RUBCN: variants seen among roughly 807,000 people sequenced by gnomAD.
RUBCN encodes the protein rubicon autophagy regulator.
RUBCN carries 74 observed loss-of-function variants against 113.2 expected under a neutral mutation model. The observed-to-expected ratio is 0.65, with a 90% CI of 0.54 to 0.79. The LOEUF is 0.79. Among genes scored for constraint, RUBCN ranks in the 30% least tolerant of loss-of-function variants. The pLI is 0.00. For synonymous variants in RUBCN, 480 were observed against 490.0 expected (o/e 0.98, Z 0.27); for missense variants, 1,109 against 1,251.7 (o/e 0.89, Z 1.72).
chr3:197,669,356 G>A lies in RUBCN; in HGVS notation c.*5662C>T, dbSNP rs770296297. On this transcript the variant is annotated 3_prime_UTR_variant, in exon 20 of 20. Transcript: ENST00000296343. Reference sequence around the variant, plus strand: ...CATCGTATCTGCTTAGTCTCCTCTCGTCCGTGACGGCATCTCTTTCCTTGT... The same window carrying A: ...CATCGTATCTGCTTAGTCTCCTCTCATCCGTGACGGCATCTCTTTCCTTGT... Among the ~76,000 whole-genome samples the A allele has an allele frequency of 6.6e-6, 1 of 152,116 alleles. No individual in the cohort carries two copies. Among genetic ancestry groups the A allele is most frequent in the African/African-American group, 2.4e-5 (1 of 41,410 alleles).
chr3:197,719,016 T>C (rs1488072012), intron 1 of RUBCN, among the ~76,000 whole-genome samples: 1 of 152,204 alleles, frequency 6.6e-6, no homozygotes, highest in Non-Finnish European at 1.5e-5. Context: ...CCTATGCCTC[T>C]TCCTCAGAGC....
At position 197,669,998 on chromosome 3, in the gene RUBCN, C is replaced by T. The variant is rs1023089082; in HGVS notation, c.*5020G>A. On this transcript the variant is annotated 3_prime_UTR_variant, in exon 20 of 20. Coordinates refer to ENST00000296343, the MANE Select transcript of RUBCN (RefSeq NM_014687.4). The stretch of plus-strand genomic sequence containing the variant: ...CCGCCACCCGGGTTCAAGCAATTCT[C>T]CTGTCTCAACCTCGCGAGTAGCTGG... Among the ~76,000 whole-genome samples the T allele has an allele frequency of 1.3e-5, 2 of 152,222 alleles. No homozygotes were observed. The highest frequency in any genetic ancestry group is 6.5e-5 in the Admixed American group (1 of 15,278).
chr3:197,749,303 G>A (rs1728900184), exon 1 of RUBCN: 2 of 1,140,986 alleles, frequency 1.8e-6, no homozygotes, highest in Admixed American at 7.9e-5. Context: ...TATTAGGGTA[G>A]TGAACACCGT....
intron 5 of RUBCN, 66 bp downstream of exon 5, chr3:197,703,482 G>T: frequency 2.2e-6 from 2 of 900,078 alleles, no homozygotes; most frequent in Non-Finnish European, 1.8e-6. Context: ...GTTTGCTGTA[G>T]AGGGCTACAT....
chr3:197,738,876 G>C (rs1233170602), upstream of RUBCN, among the ~76,000 whole-genome samples: 1 of 152,038 alleles, frequency 6.6e-6, no homozygotes, highest in Non-Finnish European at 1.5e-5. Context: ...TTACAGGCAT[G>C]AGGCACCATA....
At chr3:197,704,169 T>C (rs1213233301) in intron 4 of RUBCN, among the ~76,000 whole-genome samples, 3 of 152,150 alleles carry the variant, frequency 2.0e-5, no homozygotes, top group African/African-American at 7.2e-5. Flanking sequence ...GGCACGGTAG[T>C]CACGCCTGTA....
chr3:197,720,553 G>A (rs886099935), intron 1 of RUBCN, among the ~76,000 whole-genome samples: 2 of 151,980 alleles, frequency 1.3e-5, no homozygotes, highest in Non-Finnish European at 2.9e-5. Flanking sequence ...GACTACAGGC[G>A]CAGGCTACCA....
chr3:197,671,255 C>A lies in RUBCN; in HGVS notation c.*3763G>T, dbSNP rs1199232759. 1.3e-5 allele frequency: 2 copies of A among 152,124 alleles called. No individual in the cohort carries two copies. Among genetic ancestry groups the A allele is most frequent in the Non-Finnish European group, 2.9e-5 (2 of 68,026 alleles). The allele number at this position is 152,124 out of a possible 1,614,324, so 9.4% of individuals were successfully genotyped here. A position where few individuals can be genotyped will look rare whatever the true frequency, so the allele number is the denominator to read the frequency against. On this transcript the variant is annotated 3_prime_UTR_variant, in exon 20 of 20. Coordinates refer to ENST00000296343, the MANE Select transcript of RUBCN (RefSeq NM_014687.4). The stretch of plus-strand genomic sequence containing the variant: ...TCTTGAATTCCTGACCTCAGGTGAT[C>A]CCCCTGCCTTGGTCTCTCAAAGTAC...
At chr3:197,705,595 TAAAA>T (rs1158333616) in intron 2 of RUBCN, among the ~76,000 whole-genome samples, 1 of 138,508 alleles carries the variant, frequency 7.2e-6, no homozygotes, top group Non-Finnish European at 1.6e-5. Flanking sequence ...GAAAAGGAAT[TAAAA>T]AAAAAAAAGG....
chr3:197,677,087 C>T, intron 17 of RUBCN, 49 bp from the exon 18 acceptor site: 1 of 1,564,420 alleles, frequency 6.4e-7, no homozygotes, highest in Non-Finnish European at 8.8e-7. Context: ...GTGCATGTGC[C>T]ACATCGTAGT....
intron 11 of RUBCN, chr3:197,691,070 C>CT (rs1229142027): frequency 1.6e-6 from 2 of 1,287,634 alleles, no homozygotes; most frequent in African/African-American, 3.0e-5. Flanking sequence ...GCAAAGTAGG[C>CT]TACCTGAGAA....
At position 197,736,656 on chromosome 3, in the gene RUBCN, T is replaced by TGCTCTCCTCAGGCAG. The variant is rs1370248907; in HGVS notation, c.49_63dup (p.Leu17_Ser21dup). On this transcript the variant is annotated inframe_insertion and splice_region_variant, in exon 1 of 20. Coordinates refer to ENST00000296343, the MANE Select transcript of RUBCN (RefSeq NM_014687.4). ...ACTCCGCGGCGGCTCCCAGCCCACC[T>TGCTCTCCTCAGGCAG]GCTCTCCTCAGGCAGGCGCTCCTCG... is the stretch of plus-strand genomic sequence containing the variant. The TGCTCTCCTCAGGCAG allele has an allele frequency of 3.9e-6, 6 of 1,532,436 alleles. No homozygotes were observed. The highest frequency in any genetic ancestry group is 4.4e-6 in the Non-Finnish European group (5 of 1,146,202). The allele number at this position is 1,532,436 out of a possible 1,614,324, so 94.9% of individuals were successfully genotyped here.
At chr3:197,729,886 T>A (rs542084121) in intron 1 of RUBCN, among the ~76,000 whole-genome samples, 24 of 152,106 alleles carry the variant, frequency 1.6e-4, no homozygotes, top group African/African-American at 5.5e-4. Context: ...GAGTAAAATA[T>A]TATAGTAGCT....
chr3:197,705,581 A>G (rs555590021), intron 2 of RUBCN, among the ~76,000 whole-genome samples: 156 of 151,886 alleles, frequency 1.0e-3, no homozygotes, highest in Middle Eastern at 6.8e-3. Flanking sequence ...AAAAAAAAAA[A>G]AAAGAAAAGG....
Position 197,707,058 on chromosome 3 carries a change from TTGTGGCCGGGCGCGGTGG to T in RUBCN, c.220-1901_220-1884del, listed in dbSNP as rs1560443442. Among the ~76,000 whole-genome samples the T allele has an allele frequency of 2.2e-4, 33 of 150,960 alleles. 2 individuals carry two copies. The highest frequency in any genetic ancestry group is 8.2e-4 in the African/African-American group (33 of 40,342). On this transcript the variant is annotated intron_variant, in intron 2 of 19. Transcript: ENST00000296343. Reference sequence around the variant, plus strand: ...ATTTTTAAGTGAAAAGCGTGTAAAATTGTGGCCGGGCGCGGTGGCTCACGCCTGTAATCCCAGCACTTT... The same window carrying T: ...ATTTTTAAGTGAAAAGCGTGTAAAATCTCACGCCTGTAATCCCAGCACTTT...
intron 11 of RUBCN, among the ~76,000 whole-genome samples, chr3:197,692,217 C>T (rs1722500162): frequency 6.6e-6 from 1 of 152,008 alleles, no homozygotes; most frequent in African/African-American, 2.4e-5. Flanking sequence ...AAAACTTGAA[C>T]AATGATGTCC....
chr3:197,699,676 T>C (rs910162396), intron 7 of RUBCN, among the ~76,000 whole-genome samples: 2 of 152,162 alleles, frequency 1.3e-5, no homozygotes, highest in Non-Finnish European at 2.9e-5. Context: ...ATCACATTCT[T>C]GAGGGAAAAC....
chr3:197,682,316 G>A (rs547137845), intron 14 of RUBCN, among the ~76,000 whole-genome samples, 154 bp downstream of exon 14: 1 of 152,170 alleles, frequency 6.6e-6, no homozygotes, highest in Admixed American at 6.5e-5. Flanking sequence ...AAGAAACGAA[G>A]GACCAAATGG....
rs187810537 is a variant in RUBCN, at chr3:197,708,700, A to G, written c.220-3525T>C. ...CATGCACTTTTACTCCCACCAATTG[A>G]GTTGTGGCTTACCAAGAATCAGTTA... is the stretch of plus-strand genomic sequence containing the variant. On this transcript the variant is annotated intron_variant, in intron 2 of 19. Transcript: ENST00000296343. 1.9e-4 allele frequency among the ~76,000 whole-genome samples: 29 copies of G among 152,204 alleles called. No individual in the cohort carries two copies. The East Asian group carries it at 5.6e-3, about 29-fold the overall frequency.
Sources: allele counts gnomAD v4.1 joint callset (sites outside exome capture counted in the v4.1 genomes callset), GRCh38; gene constraint gnomAD v4.1.1; transcripts MANE v1.5; gene names NCBI Gene and HGNC (gene_info 2026-07-23, HGNC 2026-07-21).